The following SURF4 variants were observed in gnomAD, a reference collection of about 807,000 sequenced individuals.
SURF4 encodes the protein surfeit locus protein 4.
SURF4 carries 3 observed loss-of-function variants against 30.0 expected under a neutral mutation model. The observed-to-expected ratio is 0.10, with a 90% CI of 0.05 to 0.26. The LOEUF (loss-of-function observed/expected upper bound fraction) is 0.26. Ranked by LOEUF, SURF4 falls within the 10% of genes least tolerant of loss-of-function variation. The pLI is 1.00. For synonymous variants in SURF4, 143 were observed against 139.9 expected, an observed-to-expected ratio of 1.02 and a Z score of -0.16; for missense variants, 217 against 350.8, an observed-to-expected ratio of 0.62 and a Z score of 3.05.
intron 1 of SURF4, among the ~76,000 whole-genome samples, chr9:133,374,282 G>A (rs2130221514): frequency 3.9e-5 from 6 of 152,114 alleles, no homozygotes; most frequent in African/African-American, 1.2e-4. Context: ...GCTGGGTGCC[G>A]TGGCTCACGC....
At chr9:133,366,754 C>T in intron 2 of SURF4, 79 bp from the exon 3 acceptor site, 1 of 1,379,538 alleles carries the variant, frequency 7.2e-7, no homozygotes, top group Non-Finnish European at 1.0e-6. Flanking sequence ...TGCTACCTCA[C>T]CTGGCCCTTA....
upstream of SURF4, among the ~76,000 whole-genome samples, chr9:133,377,430 C>T (rs1478976181): frequency 2.0e-5 from 3 of 152,218 alleles, no homozygotes; most frequent in East Asian, 1.9e-4. Flanking sequence ...CTTTGGGAGG[C>T]CAAGGCGGGC....
intron 1 of SURF4, among the ~76,000 whole-genome samples, chr9:133,370,563 A>G (rs1159484570): frequency 6.6e-6 from 1 of 152,186 alleles, no homozygotes; most frequent in East Asian, 1.9e-4. Context: ...GTTGGTCACA[A>G]CTACTTCAAC....
rs1837071428 is a variant in SURF4 at position 133,364,852 on chromosome 9, G to A, written c.531C>T (p.Ala177=). 1.2e-6 allele frequency: 2 copies of A among 1,613,968 alleles called. No individual in the cohort carries two copies. The highest frequency in any genetic ancestry group is 1.7e-6 in the Non-Finnish European group (2 of 1,180,012). ...LMFMTLLHFD[A]SFFSIVQNIV... is the part of the protein sequence containing the mutation. ...TAGGAATACTTACAGAAAAGAAGCT[G>A]GCGTCAAAGTGAAGGAGGGTCATGA... is the stretch of plus-strand genomic sequence containing the variant. The change falls in exon 5 of 6, where the codon GCC becomes GCT. Residue 177 remains alanine (A), a synonymous_variant. Coordinates refer to ENST00000371989, the MANE Select transcript of SURF4 (RefSeq NM_033161.4).
rs2130092103 is a variant in SURF4 at position 133,363,765 on chromosome 9, T to C, written c.544-6A>G. On this transcript the variant is annotated splice_polypyrimidine_tract_variant and splice_region_variant and intron_variant, in intron 5 of 5. Transcript: ENST00000371989. This position sits in a 1 kb window ranked among gnomAD's most constrained non-coding sequence, Gnocchi z 4.3. ...CCCACGATGTTCTGGACAATCTGCA[T>C]AGGTTGAAACGTAAGAAATTCAAAA... is the stretch of plus-strand genomic sequence containing the variant. 1.9e-6 allele frequency: 3 copies of C among 1,613,898 alleles called. No homozygotes were observed. Among genetic ancestry groups the C allele is most frequent in the East Asian group, 4.5e-5 (2 of 44,878 alleles).
In SURF4 at chr9:133,363,741, C is replaced by G; in HGVS notation, c.562G>C (p.Gly188Arg). 1 of 1,614,156 alleles carries G rather than the reference C, an allele frequency of 6.2e-7. No individual in the cohort carries two copies. The highest frequency in any genetic ancestry group is 8.5e-7 in the Non-Finnish European group (1 of 1,180,032). Reference protein sequence around the residue: ...SFFSIVQNIVGTALMILVAIG... With the variant: ...SFFSIVQNIVRTALMILVAIG... Reference sequence around the variant, plus strand: ...GCCACTAAAATCATCAGAGCTGTGCCCACGATGTTCTGGACAATCTGCATA... The same window carrying G: ...GCCACTAAAATCATCAGAGCTGTGCGCACGATGTTCTGGACAATCTGCATA... The change falls in exon 6 of 6, where the codon GGC (glycine) becomes CGC (arginine). Residue 188 changes from glycine (G) to arginine (R), a missense_variant. Transcript: ENST00000371989. This position sits in a 1 kb window ranked among gnomAD's most constrained non-coding sequence, Gnocchi z 4.3.
At chr9:133,372,845 C>G (rs1837583156) in intron 1 of SURF4, among the ~76,000 whole-genome samples, 1 of 152,228 alleles carries the variant, frequency 6.6e-6, no homozygotes, top group African/African-American at 2.4e-5. Context: ...CATATTTTGA[C>G]TTCGAACCCT....
intron 1 of SURF4, chr9:133,371,255 C>A: frequency 9.6e-6 from 4 of 418,672 alleles, no homozygotes; most frequent in Non-Finnish European, 1.3e-5. Context: ...CTGCCTTGTT[C>A]AAAGCCCAAC....
Position 133,366,721 on chromosome 9 carries a change from C to A in SURF4, c.236-46G>T, listed in dbSNP as rs2130132238. ...TAGGGGGCCTGAGGGTGGGTGCCGGCGGGGAGCACTGTCTTGATACACTGC... is the reference window on the plus strand; with the variant it reads ...TAGGGGGCCTGAGGGTGGGTGCCGGAGGGGAGCACTGTCTTGATACACTGC... On this transcript the variant is annotated intron_variant, in intron 2 of 5. Coordinates refer to ENST00000371989, the MANE Select transcript of SURF4 (RefSeq NM_033161.4). The A allele has an allele frequency of 2.5e-6, 4 of 1,582,458 alleles. No individual in the cohort carries two copies. The African/African-American group carries it at 5.4e-5, about 21-fold the overall frequency.
Position 133,367,346 on chromosome 9 carries a change from C to G in SURF4, c.148G>C (p.Glu50Gln). 6.2e-7 allele frequency: 1 copy of G among 1,614,242 alleles called. No homozygotes were observed. Among genetic ancestry groups the G allele is most frequent in the Non-Finnish European group, 8.5e-7 (1 of 1,180,052 alleles). ...GTGGTGTCGATGTAGTCGCGCTGCTCGCTCCACTGGAACCACATACGGATG... is the reference window on the plus strand; with the variant it reads ...GTGGTGTCGATGTAGTCGCGCTGCTGGCTCCACTGGAACCACATACGGATG... ...DGIRMWFQWS[E>Q]QRDYIDTTWN... The change falls in exon 2 of 6, where the codon GAG becomes CAG. Residue 50 changes from glutamate to glutamine, a missense_variant. Coordinates refer to ENST00000371989, the MANE Select transcript of SURF4 (RefSeq NM_033161.4).
rs2130095243 is a variant in SURF4 at position 133,363,872 on chromosome 9, T to C, written c.544-113A>G. On this transcript the variant is annotated intron_variant, in intron 5 of 5. Transcript: ENST00000371989. This position sits in a 1 kb window ranked among gnomAD's most constrained non-coding sequence, Gnocchi z 4.3. ...GAAGTCTCTATCCATCAGGCTGATG[T>C]AGCTACTGCTGAGACGGCTGCTGGT... is the stretch of plus-strand genomic sequence containing the variant. 7.5e-7 allele frequency: 1 copy of C among 1,339,178 alleles called. No individual in the cohort carries two copies. The highest frequency in any genetic ancestry group is 1.1e-6 in the Non-Finnish European group (1 of 945,548). 83.0% of individuals were successfully genotyped at this position (1,339,178 alleles called of 1,614,324 possible).
At chr9:133,377,045 A>G (rs1334600728), upstream of SURF4, among the ~76,000 whole-genome samples, 1 of 152,248 alleles carries the variant, frequency 6.6e-6, no homozygotes, top group Admixed American at 6.5e-5. Context: ...ACACTTTATT[A>G]AATGTTAGAT....
In SURF4 at chr9:133,363,474, A is replaced by T. The variant is rs2130086847; in HGVS notation, c.*19T>A. 53 of 1,614,140 alleles carry T rather than the reference A, an allele frequency of 3.3e-5. No homozygotes were observed. Among genetic ancestry groups the T allele is most frequent in the African/African-American group, 5.3e-5 (4 of 74,948 alleles). On this transcript the variant is annotated 3_prime_UTR_variant, in exon 6 of 6. Coordinates refer to ENST00000371989, the MANE Select transcript of SURF4 (RefSeq NM_033161.4). This position sits in a 1 kb window ranked among gnomAD's most constrained non-coding sequence, Gnocchi z 4.3. ...TGACGGCCACGGGTCTTAGCCAGGC[A>T]GGTAGGGATCTGTGACTGTTACCAC...
chr9:133,361,623 T>A lies in SURF4; in HGVS notation c.*1870A>T, dbSNP rs1320169007. 1 of 156,280 alleles carries A rather than the reference T, an allele frequency of 6.4e-6. No homozygotes were observed. The highest frequency in any genetic ancestry group is 2.4e-5 in the African/African-American group (1 of 41,470). 9.7% of individuals were successfully genotyped at this position (156,280 alleles called of 1,614,324 possible). On this transcript the variant is annotated 3_prime_UTR_variant, in exon 6 of 6. Transcript: ENST00000371989. ...TGTTTTGCCAGAATCAATTGGTAGA[T>A]CCCACTTATCCTCCCCTCCCTGCAA...
At chr9:133,376,471 A>T (rs1368885191), upstream of SURF4, 1 of 1,584,616 alleles carries the variant, frequency 6.3e-7, no homozygotes, top group Non-Finnish European at 8.6e-7. Context: ...GTCGCTACTG[A>T]TCATGCTTGG....
intron 1 of SURF4, among the ~76,000 whole-genome samples, chr9:133,369,126 GC>G (rs1837354616): frequency 6.6e-6 from 1 of 152,224 alleles, no homozygotes; most frequent in Non-Finnish European, 1.5e-5. Flanking sequence ...GGTCAGCACT[GC>G]AGATTGGCTC....
rs1023588580 is a variant in SURF4 at position 133,363,313 on chromosome 9, A to G, written c.*180T>C. On this transcript the variant is annotated 3_prime_UTR_variant, in exon 6 of 6. Coordinates refer to ENST00000371989, the MANE Select transcript of SURF4 (RefSeq NM_033161.4). This position sits in a 1 kb window ranked among gnomAD's most constrained non-coding sequence, Gnocchi z 4.3. ...GTCAGACGCCAGACTGTGGCTCCAG[A>G]GCAGACTGAGCCATCGATTCTCAGG... The G allele has an allele frequency of 3.8e-6, 4 of 1,048,804 alleles. No individual in the cohort carries two copies. Among genetic ancestry groups the G allele is most frequent in the Non-Finnish European group, 5.8e-6 (4 of 689,554 alleles). 65.0% of individuals were successfully genotyped at this position (1,048,804 alleles called of 1,614,324 possible). A position where few individuals can be genotyped will look rare whatever the true frequency, so the allele number is the denominator to read the frequency against.
At chr9:133,370,799 T>G in intron 1 of SURF4, 112 of 1,082,062 alleles carry the variant, frequency 1.0e-4, no homozygotes, top group East Asian at 2.4e-4. Flanking sequence ...CTCCCCCCCA[T>G]TAGAGAACTG....
At chr9:133,365,169 C>T in intron 4 of SURF4, 143 bp from the exon 5 acceptor site, 1 of 747,704 alleles carries the variant, frequency 1.3e-6, no homozygotes, top group Non-Finnish European at 2.1e-6. Flanking sequence ...CCAAGCAGGA[C>T]CAGGCAGGCA....
Sources: allele counts gnomAD v4.1 joint callset (sites outside exome capture counted in the v4.1 genomes callset), GRCh38; gene constraint gnomAD v4.1.1; non-coding constraint Gnocchi (gnomAD v3.1); transcripts MANE v1.5; gene names NCBI Gene and HGNC (gene_info 2026-07-23, HGNC 2026-07-21).